The following IPO13 variants were observed in gnomAD, a reference collection of about 807,000 sequenced individuals.
IPO13 encodes the protein importin 13, also known as importin-13.
A neutral mutation model predicts 115.5 loss-of-function variants in IPO13; 28 were observed. The observed-to-expected ratio is 0.24, with a 90% CI of 0.18 to 0.33. The LOEUF (loss-of-function observed/expected upper bound fraction) is 0.33, where lower values mean the gene tolerates loss of function less well. IPO13 is among the 10% of genes least tolerant of loss of function. IPO13 has a pLI of 1.00. For missense variants in IPO13, 785 were observed against 1,204.6 expected (o/e 0.65, Z 5.16); for synonymous variants, 414 against 478.9 (o/e 0.86, Z 1.77).
intron 12 of IPO13, 125 bp from the exon 13 acceptor site, chr1:43,960,751 G>C: frequency 7.9e-7 from 1 of 1,265,758 alleles, no homozygotes; most frequent in Middle Eastern, 1.9e-4. Context: ...TACCTTCCTT[G>C]GTTTGCAGGG....
Position 43,956,606 on chromosome 1 carries a change from G to A in IPO13, c.1009G>A (p.Val337Ile), listed in dbSNP as rs371186877. The A allele has an allele frequency of 6.2e-6, 10 of 1,614,070 alleles. 1 individual carries two copies. Among genetic ancestry groups the A allele is most frequent in the South Asian group, 3.3e-5 (3 of 91,086 alleles). The change falls in exon 4 of 20, where the codon GTC becomes ATC. Residue 337 changes from valine to isoleucine, a missense_variant. Around this residue, in one of 3 missense-constraint regions of IPO13, gnomAD observed 325 missense variants for 449.8 expected, o/e 0.72. Transcript: ENST00000372343. The surrounding 1 kb of genome is among the most constrained non-coding windows in gnomAD (Gnocchi z 4.7). The part of the protein sequence containing the change: ...VEHWQSFLAL[V>I]NMIMFCTGIP... ...GCACTGGCAGAGTTTCCTGGCACTC[G>A]TCAACATGATTATGTTCTGCACAGG...
intron 12 of IPO13, among the ~76,000 whole-genome samples, chr1:43,960,675 T>G (rs1221962335): frequency 6.6e-6 from 1 of 152,216 alleles, no homozygotes; most frequent in Admixed American, 6.5e-5. Flanking sequence ...GTTCCACAGT[T>G]ACATCCTGTG....
At chr1:43,960,053 A>T (rs1463638927) in intron 11 of IPO13, among the ~76,000 whole-genome samples, 196 bp from the exon 12 acceptor site, 1 of 152,200 alleles carries the variant, frequency 6.6e-6, no homozygotes, top group East Asian at 1.9e-4. Flanking sequence ...CCTAGAATTC[A>T]GGAAATACTC....
Position 43,957,228 on chromosome 1 carries a change from T to C in IPO13, c.1305T>C (p.Tyr435=). ...VDISDTLMYV[Y]EMLGAELLSN... Reference sequence around the variant, plus strand: ...TCTCAGACACGCTCATGTATGTCTATGAGATGTTGGGGGCCGAGCTGCTCA... The same window carrying C: ...TCTCAGACACGCTCATGTATGTCTACGAGATGTTGGGGGCCGAGCTGCTCA... Residue 435 remains tyrosine, a synonymous_variant, in exon 6 of 20, where the codon TAT becomes TAC. Coordinates refer to ENST00000372343, the MANE Select transcript of IPO13 (RefSeq NM_014652.4). The C allele has an allele frequency of 6.2e-7, 1 of 1,613,076 alleles. No individual in the cohort carries two copies. The highest frequency in any genetic ancestry group is 8.5e-7 in the Non-Finnish European group (1 of 1,179,040).
In IPO13 at chr1:43,949,502, A is replaced by G. The variant is rs1162998425; in HGVS notation, c.170A>G (p.Gln57Arg). ...KWLMQAQVSPQAWHFSWQLLQ... is the reference protein window; with the variant it reads ...KWLMQAQVSPRAWHFSWQLLQ... The stretch of plus-strand genomic sequence containing the variant: ...CTGATGCAGGCCCAGGTCTCCCCAC[A>G]GGCCTGGCACTTCAGCTGGCAGCTA... Residue 57 changes from glutamine (Q) to arginine (R), a missense_variant, in exon 2 of 20, where the codon CAG becomes CGG. This residue lies in a region of IPO13 where 325 missense variants were observed against 449.8 expected (regional missense o/e 0.72). Transcript: ENST00000372343. 1 of 1,614,142 alleles carries G rather than the reference A, an allele frequency of 6.2e-7. No individual in the cohort carries two copies. Among genetic ancestry groups the G allele is most frequent in the Admixed American group, 1.7e-5 (1 of 60,026 alleles).
In IPO13 at chr1:43,952,472, C is replaced by A. The variant is rs543707336; in HGVS notation, c.821+2319C>A. 2.0e-5 allele frequency among the ~76,000 whole-genome samples: 3 copies of A among 152,216 alleles called. No homozygotes were observed. The East Asian group carries it at 5.8e-4, about 29-fold the overall frequency. Reference sequence around the variant, plus strand: ...GGTATGAGCCACCATGCCTGGCCAACTGTTCATTTTTTTAAAGAGAAACAT... The same window carrying A: ...GGTATGAGCCACCATGCCTGGCCAAATGTTCATTTTTTTAAAGAGAAACAT... On this transcript the variant is annotated intron_variant, in intron 2 of 19. Coordinates refer to ENST00000372343, the MANE Select transcript of IPO13 (RefSeq NM_014652.4). The surrounding 1 kb of genome is among the most constrained non-coding windows in gnomAD (Gnocchi z 4.7).
chr1:43,949,560 C>T lies in IPO13; in HGVS notation c.228C>T (p.Tyr76=). 6.2e-7 allele frequency: 1 copy of T among 1,614,230 alleles called. No homozygotes were observed. The highest frequency in any genetic ancestry group is 8.5e-7 in the Non-Finnish European group (1 of 1,180,028). The change falls in exon 2 of 20, where the codon TAC becomes TAT. Residue 76 remains tyrosine, a synonymous_variant. Transcript: ENST00000372343. The stretch of plus-strand genomic sequence containing the variant: ...CCGACAAGGTACCAGAGATCCAGTA[C>T]TTTGGGGCCAGTGCTCTTCACATCA... ...LQPDKVPEIQ[Y]FGASALHIKI...
chr1:43,950,100 C>G lies in IPO13; in HGVS notation c.768C>G (p.Phe256Leu). 1.9e-6 allele frequency: 3 copies of G among 1,613,840 alleles called. No individual in the cohort carries two copies. Among genetic ancestry groups the G allele is most frequent in the Non-Finnish European group, 2.5e-6 (3 of 1,179,982 alleles). The stretch of plus-strand genomic sequence containing the variant: ...CTGCTCTGCAGGACTCGGAGCTCTT[C>G]GACAGCAGTGTGGAGGCCATTGTGA... Reference protein sequence around the residue: ...AFAALQDSELFDSSVEAIVNA... With the variant: ...AFAALQDSELLDSSVEAIVNA... Residue 256 changes from phenylalanine to leucine, a missense_variant, in exon 2 of 20, where the codon TTC becomes TTG. Around this residue, in one of 3 missense-constraint regions of IPO13, gnomAD observed 325 missense variants for 449.8 expected, o/e 0.72. Coordinates refer to ENST00000372343, the MANE Select transcript of IPO13 (RefSeq NM_014652.4).
At position 43,956,868 on chromosome 1, in the gene IPO13, C is replaced by T. The variant is rs1257367580; in HGVS notation, c.1163C>T (p.Pro388Leu). ...KQAVYQQVYRPVYFQLVDVLL... is the reference protein window; with the variant it reads ...KQAVYQQVYRLVYFQLVDVLL... ...GCTGTATACCAGCAGGTGTACCGGC[C>T]AGTCTACTTCCAGCTGGTGGATGTG... The change falls in exon 5 of 20, where the codon CCA (proline) becomes CTA (leucine). Residue 388 changes from proline to leucine, a missense_variant. Around this residue, in one of 3 missense-constraint regions of IPO13, gnomAD observed 175 missense variants for 360.0 expected, o/e 0.49. Coordinates refer to ENST00000372343, the MANE Select transcript of IPO13 (RefSeq NM_014652.4). This position sits in a 1 kb window ranked among gnomAD's most constrained non-coding sequence, Gnocchi z 4.7. 6.2e-7 allele frequency: 1 copy of T among 1,614,226 alleles called. No individual in the cohort carries two copies. The highest frequency in any genetic ancestry group is 8.5e-7 in the Non-Finnish European group (1 of 1,180,018).
chr1:43,962,482 C>T (rs2085296714), intron 14 of IPO13, among the ~76,000 whole-genome samples: 1 of 152,190 alleles, frequency 6.6e-6, no homozygotes, highest in Non-Finnish European at 1.5e-5. Context: ...TCATTGTTCC[C>T]ATTGCCCTCA....
At position 43,956,311 on chromosome 1, in the gene IPO13, T is replaced by G; in HGVS notation, c.822-9T>G. ...AGCTCTGATGGATTTTCTCACCTCATGCCTCTAGGTACGTGAACACACTCC... is the reference window on the plus strand; with the variant it reads ...AGCTCTGATGGATTTTCTCACCTCAGGCCTCTAGGTACGTGAACACACTCC... On this transcript the variant is annotated splice_polypyrimidine_tract_variant and intron_variant, in intron 2 of 19. Coordinates refer to ENST00000372343, the MANE Select transcript of IPO13 (RefSeq NM_014652.4). This position sits in a 1 kb window ranked among gnomAD's most constrained non-coding sequence, Gnocchi z 4.7. 6.2e-7 allele frequency: 1 copy of G among 1,614,112 alleles called. No homozygotes were observed. The highest frequency in any genetic ancestry group is 8.5e-7 in the Non-Finnish European group (1 of 1,179,998).
At chr1:43,960,820 C>T (rs370676962) in intron 12 of IPO13, 56 bp from the exon 13 acceptor site, 14 of 1,603,172 alleles carry the variant, frequency 8.7e-6, no homozygotes, top group East Asian at 2.2e-5. Flanking sequence ...AGGGCTTCAG[C>T]GCTGTTCCAG....
Position 43,950,027 on chromosome 1 carries a change from TGGA to T in IPO13, c.698_700del (p.Glu233del). On this transcript the variant is annotated inframe_deletion, in exon 2 of 20. Coordinates refer to ENST00000372343, the MANE Select transcript of IPO13 (RefSeq NM_014652.4). Reference sequence around the variant, plus strand: ...AAGTGTTTCTCCAGCTGGGTGCAGCTGGAGGTGCCGCTGCAGGACTGTGAGGCG... The same window carrying T: ...AAGTGTTTCTCCAGCTGGGTGCAGCTGGTGCCGCTGCAGGACTGTGAGGCG... The T allele has an allele frequency of 1.9e-6, 3 of 1,613,662 alleles. No homozygotes were observed. The highest frequency in any genetic ancestry group is 2.5e-6 in the Non-Finnish European group (3 of 1,179,962).
Position 43,958,972 on chromosome 1 carries a change from T to C in IPO13, c.2028+83T>C. ...CCTGTGGGAATGTCATTGTCACTCTTCAATTCTGTGGGTAATGTTGTCATT... is the reference window on the plus strand; with the variant it reads ...CCTGTGGGAATGTCATTGTCACTCTCCAATTCTGTGGGTAATGTTGTCATT... On this transcript the variant is annotated intron_variant, in intron 11 of 19. Coordinates refer to ENST00000372343, the MANE Select transcript of IPO13 (RefSeq NM_014652.4). The surrounding 1 kb of genome is among the most constrained non-coding windows in gnomAD (Gnocchi z 6.3). The C allele has an allele frequency of 7.5e-7, 1 of 1,334,268 alleles. No homozygotes were observed. The highest frequency in any genetic ancestry group is 1.1e-6 in the Non-Finnish European group (1 of 943,388). 82.7% of individuals were successfully genotyped at this position (1,334,268 alleles called of 1,614,324 possible).
rs1223563416 is a variant in IPO13 at position 43,964,368 on chromosome 1, TTTCTC to T, written c.2397+50_2397+54del. The stretch of plus-strand genomic sequence containing the variant: ...TCACGTTCTGTTCTCTCTCTTTCTC[TTTCTC>T]TTATGTTGAAATTCAATTTAAGCCT... On this transcript the variant is annotated intron_variant, in intron 15 of 19. Transcript: ENST00000372343. 4.5e-5 allele frequency: 64 copies of T among 1,425,432 alleles called. No individual in the cohort carries two copies. In the Admixed American group the frequency reaches 1.2e-3, roughly 27 times the overall value. The allele number at this position is 1,425,432 out of a possible 1,614,324, so 88.3% of individuals were successfully genotyped here. A position where few individuals can be genotyped will look rare whatever the true frequency, so the allele number is the denominator to read the frequency against.
At chr1:43,954,647 G>A (rs968616708) in intron 2 of IPO13, among the ~76,000 whole-genome samples, 1 of 152,186 alleles carries the variant, frequency 6.6e-6, no homozygotes, top group Admixed American at 6.5e-5. Flanking sequence ...CCAGTGGGCT[G>A]AGCCAGGCTT....
Position 43,958,322 on chromosome 1 carries a change from A to G in IPO13, c.1749+54A>G. 1.2e-6 allele frequency: 2 copies of G among 1,611,870 alleles called. No homozygotes were observed. Among genetic ancestry groups the G allele is most frequent in the Non-Finnish European group, 1.7e-6 (2 of 1,178,058 alleles). Reference sequence around the variant, plus strand: ...CTTGGAGGTCTTGTGGGAATCACTTATCCCTGAAATCCTGTTTTTTGGCCT... The same window carrying G: ...CTTGGAGGTCTTGTGGGAATCACTTGTCCCTGAAATCCTGTTTTTTGGCCT... On this transcript the variant is annotated intron_variant, in intron 9 of 19. Coordinates refer to ENST00000372343, the MANE Select transcript of IPO13 (RefSeq NM_014652.4). The surrounding 1 kb of genome is among the most constrained non-coding windows in gnomAD (Gnocchi z 6.3).
intron 1 of IPO13, 77 bp downstream of exon 1, chr1:43,947,761 C>A: frequency 2.2e-6 from 2 of 895,358 alleles, no homozygotes; most frequent in Non-Finnish European, 3.0e-6. Context: ...AGAGCTCAGG[C>A]CTGGGCTGGG....
intron 1 of IPO13, among the ~76,000 whole-genome samples, chr1:43,948,204 C>A (rs182067916): frequency 0.012 from 1,792 of 152,340 alleles, 16 homozygotes; most frequent in Non-Finnish European, 0.019. Context: ...GGGGCTGTCT[C>A]CCTTTGTTTT....
Sources: allele counts gnomAD v4.1 joint callset (sites outside exome capture counted in the v4.1 genomes callset), GRCh38; gene constraint gnomAD v4.1.1; regional missense constraint gnomAD v4.1.1; non-coding constraint Gnocchi (gnomAD v3.1); transcripts MANE v1.5; gene names NCBI Gene and HGNC (gene_info 2026-07-23, HGNC 2026-07-21).